RABGAP1L: variants seen among roughly 807,000 people sequenced by gnomAD.
The protein encoded by RABGAP1L is RAB GTPase activating protein 1 like, also known as rab GTPase-activating protein 1-like.
A neutral mutation model predicts 137.7 loss-of-function variants in RABGAP1L; 63 were observed. The observed-to-expected ratio is 0.46, with a 90% confidence interval of 0.37 to 0.56. The LOEUF is 0.56. Ranked by LOEUF, RABGAP1L falls within the 20% of genes least tolerant of loss-of-function variation. The probability of loss-of-function intolerance (pLI) is 0.00; values close to 1 mark genes in which losing one functional copy is unlikely to be tolerated. For synonymous variants in RABGAP1L, 431 were observed against 433.7 expected, an observed-to-expected ratio of 0.99 and a Z score of 0.08; for missense variants, 1,095 against 1,244.0, an observed-to-expected ratio of 0.88 and a Z score of 1.80.
chr1:174,411,141 A>C (rs1649881680), intron 13 of RABGAP1L, among the ~76,000 whole-genome samples: 1 of 152,126 alleles, frequency 6.6e-6, no homozygotes. Flanking sequence ...ACCTTCTGGC[A>C]GAGTCTTTAG....
intron 3 of RABGAP1L, 101 bp from the exon 4 acceptor site, chr1:174,231,044 T>G: frequency 7.4e-6 from 6 of 809,436 alleles, no homozygotes; most frequent in South Asian, 1.8e-5. Flanking sequence ...GAGACCTAGA[T>G]TTTGTTTGAA....
chr1:174,636,501 C>G (rs1000993670), intron 13 of RABGAP1L, among the ~76,000 whole-genome samples: 1 of 149,828 alleles, frequency 6.7e-6, no homozygotes, highest in African/African-American at 2.5e-5. Flanking sequence ...GTACTCCAGC[C>G]CGGGCAACAG....
chr1:174,671,867 T>A (rs1677199226), intron 14 of RABGAP1L, among the ~76,000 whole-genome samples: 1 of 152,186 alleles, frequency 6.6e-6, no homozygotes, highest in Non-Finnish European at 1.5e-5. Flanking sequence ...TGGAAGAGTT[T>A]GAGAAGAATT....
chr1:174,183,219 T>C (rs1163160779), intron 1 of RABGAP1L, among the ~76,000 whole-genome samples: 1 of 152,220 alleles, frequency 6.6e-6, no homozygotes. Flanking sequence ...AGCATTTTCT[T>C]CCAAATTTTA....
intron 12 of RABGAP1L, among the ~76,000 whole-genome samples, chr1:174,374,993 C>CT (rs1216654884): frequency 6.6e-6 from 1 of 152,076 alleles, no homozygotes; most frequent in East Asian, 1.9e-4. Flanking sequence ...AAACATCTCA[C>CT]TTTCTTGATT....
chr1:174,676,503 T>A (rs1677638157), intron 14 of RABGAP1L, among the ~76,000 whole-genome samples: 1 of 152,232 alleles, frequency 6.6e-6, no homozygotes, highest in Non-Finnish European at 1.5e-5. Flanking sequence ...AAGTTTTCCC[T>A]GGATTGAAGC....
chr1:174,644,022 T>A (rs955005697), intron 14 of RABGAP1L, among the ~76,000 whole-genome samples: 5 of 152,050 alleles, frequency 3.3e-5, no homozygotes, highest in Admixed American at 2.6e-4. Context: ...TCATTTATTG[T>A]ATTTGTTAGT....
chr1:174,702,267 T>G lies in RABGAP1L; in HGVS notation c.2169+11T>G, dbSNP rs1169156194. The stretch of plus-strand genomic sequence containing the variant: ...TTACTGCTTTGTGAGGTAGAGTGAC[T>G]CCCATCTTTCACTAAGCCAAAATAG... On this transcript the variant is annotated intron_variant, in intron 17 of 25. Coordinates refer to ENST00000681986, the MANE Select transcript of RABGAP1L (RefSeq NM_001366446.1). 1 of 1,576,628 alleles carries G rather than the reference T, an allele frequency of 6.3e-7. No homozygotes were observed. Among genetic ancestry groups the G allele is most frequent in the Non-Finnish European group, 8.6e-7 (1 of 1,163,640 alleles).
intron 13 of RABGAP1L, among the ~76,000 whole-genome samples, chr1:174,549,636 A>G (rs980943051): frequency 3.7e-4 from 57 of 152,340 alleles, no homozygotes; most frequent in Middle Eastern, 3.4e-3. Flanking sequence ...AAGTAAAACT[A>G]TTGAAAAGCC....
chr1:174,456,647 A>G (rs897608909), intron 13 of RABGAP1L, among the ~76,000 whole-genome samples: 4 of 152,138 alleles, frequency 2.6e-5, no homozygotes, highest in Admixed American at 6.5e-5. Flanking sequence ...TTTTATTTCA[A>G]TGAAATAAAT....
At chr1:174,381,043 T>C (rs1339212612) in intron 12 of RABGAP1L, among the ~76,000 whole-genome samples, 8 of 84,218 alleles carry the variant, frequency 9.5e-5, no homozygotes, top group South Asian at 5.1e-4. Context: ...CATTTCGTTA[T>C]GTACCCAGTA....
In RABGAP1L at chr1:174,881,669, T is replaced by C. The variant is rs368236851; in HGVS notation, c.2340+69709T>C. On this transcript the variant is annotated intron_variant, in intron 19 of 25. Coordinates refer to ENST00000681986, the MANE Select transcript of RABGAP1L (RefSeq NM_001366446.1). ...TGCTAGCCACCATGCCCAGCTAATT[T>C]TTGTATTTTTAGTGGAGACAGGATT... 2.2e-4 allele frequency among the ~76,000 whole-genome samples: 33 copies of C among 151,848 alleles called. 1 individual carries two copies. In the South Asian group the frequency reaches 6.6e-3, roughly 31 times the overall value.
chr1:174,302,707 TG>T (rs1677836495), intron 10 of RABGAP1L, among the ~76,000 whole-genome samples: 2 of 152,238 alleles, frequency 1.3e-5, no homozygotes, highest in Admixed American at 1.3e-4. Flanking sequence ...GCTACTTTTT[TG>T]ATCTGTGCTA....
intron 1 of RABGAP1L, among the ~76,000 whole-genome samples, chr1:174,170,698 C>T (rs754100192): frequency 1.7e-4 from 25 of 146,166 alleles, no homozygotes; most frequent in Non-Finnish European, 3.7e-4. Context: ...AAAAAAATCA[C>T]GTAGCTTGTG....
chr1:174,673,524 A>G (rs1237263842), intron 14 of RABGAP1L, among the ~76,000 whole-genome samples: 1 of 152,220 alleles, frequency 6.6e-6, no homozygotes, highest in South Asian at 2.1e-4. Context: ...CAGTTGAGTA[A>G]CGAATTTGAT....
intron 11 of RABGAP1L, among the ~76,000 whole-genome samples, chr1:174,331,414 T>A (rs1194640662): frequency 1.3e-5 from 2 of 152,174 alleles, no homozygotes; most frequent in Non-Finnish European, 2.9e-5. Context: ...TTAGAAAATA[T>A]TTGCACATTA....
chr1:174,798,480 A>G (rs1453425295), intron 18 of RABGAP1L, among the ~76,000 whole-genome samples: 2 of 152,156 alleles, frequency 1.3e-5, no homozygotes, highest in Non-Finnish European at 2.9e-5. Context: ...ATTTAAAATA[A>G]CTTGTTAAAT....
chr1:174,904,245 G>T lies in RABGAP1L; in HGVS notation c.2341-53212G>T, dbSNP rs139085935. ...ATTGAGGCCAGGTGTGGTGGCTCATGCCTATAATCCCTGTACTTTGGTGGC... is the reference window on the plus strand; with the variant it reads ...ATTGAGGCCAGGTGTGGTGGCTCATTCCTATAATCCCTGTACTTTGGTGGC... On this transcript the variant is annotated intron_variant, in intron 19 of 25. Coordinates refer to ENST00000681986, the MANE Select transcript of RABGAP1L (RefSeq NM_001366446.1). Among the ~76,000 whole-genome samples, 5 of 152,212 alleles carry T rather than the reference G, an allele frequency of 3.3e-5. No individual in the cohort carries two copies. In the East Asian group the frequency reaches 5.8e-4, roughly 18 times the overall value.
intron 11 of RABGAP1L, among the ~76,000 whole-genome samples, chr1:174,369,769 A>G (rs1466947887): frequency 3.3e-5 from 5 of 152,202 alleles, no homozygotes; most frequent in African/African-American, 9.6e-5. Flanking sequence ...TAGAACAGTC[A>G]TGCTAGTGTG....
Sources: allele counts gnomAD v4.1 joint callset (sites outside exome capture counted in the v4.1 genomes callset), GRCh38; gene constraint gnomAD v4.1.1; transcripts MANE v1.5; gene names NCBI Gene and HGNC (gene_info 2026-07-23, HGNC 2026-07-21).